BRAF: variants seen among roughly 807,000 people sequenced by gnomAD.
The protein encoded by BRAF is B-Raf proto-oncogene, serine/threonine kinase.
BRAF carries 16 observed loss-of-function variants against 104.6 expected under a neutral mutation model. The observed-to-expected ratio is 0.15, with a 90% CI of 0.10 to 0.23. The LOEUF (loss-of-function observed/expected upper bound fraction) is 0.23. Ranked by LOEUF, BRAF falls within the 10% of genes least tolerant of loss-of-function variation. The pLI is 1.00. For missense variants in BRAF, 541 were observed against 937.3 expected (o/e 0.58, Z 5.52); for synonymous variants, 310 against 341.6 (o/e 0.91, Z 1.02).
chr7:140,802,979 C>A (rs1397084836), intron 5 of BRAF, among the ~76,000 whole-genome samples: 1 of 152,136 alleles, frequency 6.6e-6, no homozygotes, highest in Non-Finnish European at 1.5e-5. Context: ...ACAGGTAGAC[C>A]ATTTTTGATC....
intron 3 of BRAF, among the ~76,000 whole-genome samples, chr7:140,820,367 G>C (rs946794532): frequency 2.0e-5 from 3 of 152,106 alleles, no homozygotes; most frequent in African/African-American, 4.8e-5. Context: ...CCCAATAAAA[G>C]TATTCCCACA....
intron 17 of BRAF, chr7:140,741,416 C>G (rs1357701248): frequency 6.6e-6 from 1 of 152,130 alleles, no homozygotes; most frequent in Non-Finnish European, 1.5e-5. Flanking sequence ...TAATGCCCTC[C>G]CTCACCCTTC....
downstream of BRAF, among the ~76,000 whole-genome samples, chr7:140,715,304 C>T (rs1264242724): frequency 1.3e-5 from 2 of 152,140 alleles, no homozygotes; most frequent in South Asian, 2.1e-4. Context: ...GACACTTCTC[C>T]GGTTTTGTGT....
intron 12 of BRAF, 60 bp downstream of exon 11, chr7:140,781,515 TA>T: frequency 7.0e-7 from 1 of 1,426,826 alleles, no homozygotes; most frequent in Admixed American, 1.7e-5. Flanking sequence ...TTTTACAAAA[TA>T]AAAGTTGTTA....
chr7:140,908,395 T>C (rs1208041838), intron 1 of BRAF, among the ~76,000 whole-genome samples: 3 of 152,158 alleles, frequency 2.0e-5, no homozygotes, highest in Admixed American at 2.0e-4. Context: ...TACTGTTCAT[T>C]GTCCTTGAAA....
chr7:140,900,045 T>C (rs1329171194), intron 1 of BRAF, among the ~76,000 whole-genome samples: 1 of 152,234 alleles, frequency 6.6e-6, no homozygotes, highest in African/African-American at 2.4e-5. Flanking sequence ...ATTGACTGAT[T>C]ACAGCCTCAA....
intron 18 of BRAF, among the ~76,000 whole-genome samples, chr7:140,736,432 CT>C (rs555561950): frequency 3.7e-4 from 49 of 132,526 alleles, no homozygotes; most frequent in Admixed American, 5.3e-4. Context: ...CTGAACACCA[CT>C]TTTTTTTTTT....
At position 140,749,383 on chromosome 7, in the gene BRAF, T is replaced by C. The variant is rs1353164550; in HGVS notation, c.2016A>G (p.Pro672=). The C allele has an allele frequency of 1.2e-6, 2 of 1,613,106 alleles. No individual in the cohort carries two copies. Among genetic ancestry groups the C allele is most frequent in the African/African-American group, 1.3e-5 (1 of 74,882 alleles). ...PEVIRMQDKN[P]YSFQSDVYAF... ...CATATACATCTGACTGAAAGCTGTA[T>C]GGATTTTTATCTTGCATTCTGATGA... Residue 672 remains proline (P), a synonymous_variant, in exon 17 of 20, where the codon CCA becomes CCG. Coordinates refer to ENST00000644969, the MANE Select transcript of BRAF (RefSeq NM_001374258.1).
chr7:140,865,060 G>A (rs1009283872), intron 1 of BRAF, among the ~76,000 whole-genome samples: 14 of 151,446 alleles, frequency 9.2e-5, no homozygotes, highest in African/African-American at 3.4e-4. Context: ...TGAGAGGTTT[G>A]CAATGAGTGG....
At chr7:140,764,485 T>C (rs1458068457) in intron 14 of BRAF, among the ~76,000 whole-genome samples, 1 of 150,496 alleles carries the variant, frequency 6.6e-6, no homozygotes, top group East Asian at 1.9e-4. Flanking sequence ...GGGTATTCAA[T>C]TAGGAAAAGA....
chr7:140,924,620 G>C lies in BRAF; in HGVS notation c.84C>G (p.Gly28=), dbSNP rs992354585. 3.9e-6 allele frequency: 6 copies of C among 1,524,412 alleles called. No homozygotes were observed. In the Admixed American group the frequency reaches 1.2e-4, roughly 30 times the overall value. The allele number at this position is 1,524,412 out of a possible 1,614,324, so 94.4% of individuals were successfully genotyped here. ...LFNGDMEPEA[G]AGAGAAASSA... is the part of the protein sequence containing the mutation. ...AAGAGGCCGCGGCGCCGGCGCCGGC[G>C]CCGGCCTCGGGCTCCATGTCCCCGT... The change falls in exon 1 of 20, where the codon GGC becomes GGG. Residue 28 remains glycine, a synonymous_variant. Coordinates refer to ENST00000644969, the MANE Select transcript of BRAF (RefSeq NM_001374258.1). The surrounding 1 kb of genome is among the most constrained non-coding windows in gnomAD (Gnocchi z 4.2).
chr7:140,852,223 G>A (rs962843654), intron 1 of BRAF, among the ~76,000 whole-genome samples: 13 of 152,010 alleles, frequency 8.6e-5, no homozygotes, highest in Non-Finnish European at 1.5e-4. Flanking sequence ...ACAAAAATTA[G>A]CCGGGCATGG....
intron 14 of BRAF, among the ~76,000 whole-genome samples, chr7:140,774,039 T>C (rs1392401551): frequency 6.6e-6 from 1 of 152,170 alleles, no homozygotes; most frequent in Non-Finnish European, 1.5e-5. Context: ...ACCTGCCAAA[T>C]CCTTCAGAAA....
At chr7:140,790,495 T>C (rs1037781484) in intron 8 of BRAF, among the ~76,000 whole-genome samples, 1 of 152,224 alleles carries the variant, frequency 6.6e-6, no homozygotes, top group Admixed American at 6.5e-5. Context: ...CTAATATCTA[T>C]AACTATTTGC....
chr7:140,886,368 C>T lies in BRAF; in HGVS notation c.139-36156G>A, dbSNP rs549036620. 3.5e-4 allele frequency among the ~76,000 whole-genome samples: 54 copies of T among 152,306 alleles called. 1 individual carries two copies. Among genetic ancestry groups the T allele is most frequent in the African/African-American group, 1.2e-3 (50 of 41,562 alleles). ...GAATCTGCAAAACACATAACTGATT[C>T]ACAACACTCCCCTTCCTTAAACCCT... On this transcript the variant is annotated intron_variant, in intron 1 of 19. Transcript: ENST00000644969.
intron 1 of BRAF, 100 bp from the exon 2 acceptor site, chr7:140,850,312 C>T: frequency 1.1e-6 from 1 of 933,006 alleles, no homozygotes; most frequent in Non-Finnish European, 1.6e-6. Context: ...GCCAGTGTTC[C>T]TCAAATTTTG....
chr7:140,764,864 C>A (rs999597410), intron 14 of BRAF, among the ~76,000 whole-genome samples: 1 of 152,174 alleles, frequency 6.6e-6, no homozygotes, highest in African/African-American at 2.4e-5. Context: ...ATGAAAATGG[C>A]CATATTGCCC....
intron 3 of BRAF, among the ~76,000 whole-genome samples, chr7:140,826,936 G>T (rs1806119556): frequency 6.6e-6 from 1 of 152,118 alleles, no homozygotes; most frequent in Non-Finnish European, 1.5e-5. Flanking sequence ...TGTGCACTTG[G>T]TCTTGTACAG....
At chr7:140,717,466 TG>T (rs1795156335), downstream of BRAF, among the ~76,000 whole-genome samples, 1 of 152,164 alleles carries the variant, frequency 6.6e-6, no homozygotes, top group African/African-American at 2.4e-5. Context: ...CAGGCTGGTC[TG>T]GAACTCCTGG....
Sources: allele counts gnomAD v4.1 joint callset (sites outside exome capture counted in the v4.1 genomes callset), GRCh38; gene constraint gnomAD v4.1.1; non-coding constraint Gnocchi (gnomAD v3.1); transcripts MANE v1.5; gene names NCBI Gene and HGNC (gene_info 2026-07-23, HGNC 2026-07-21).